ZC3H3: variants seen among roughly 807,000 people sequenced by gnomAD.
The protein encoded by ZC3H3 is zinc finger CCCH domain-containing protein 3.
ZC3H3 carries 36 observed loss-of-function variants against 77.3 expected under a neutral mutation model. The ratio of observed to expected loss-of-function variants is 0.47; its 90% confidence interval spans 0.36 to 0.61. The LOEUF (loss-of-function observed/expected upper bound fraction) is 0.61, where lower values mean the gene tolerates loss of function less well. Among genes scored for constraint, ZC3H3 ranks in the 20% least tolerant of loss-of-function variants. ZC3H3 has a pLI of 0.00. For synonymous variants in ZC3H3, 626 were observed against 555.2 expected, an observed-to-expected ratio of 1.13 and a Z score of -1.79; for missense variants, 1,331 against 1,312.2, an observed-to-expected ratio of 1.01 and a Z score of -0.22.
At chr8:143,526,595 G>A (rs1822420429) in intron 3 of ZC3H3, among the ~76,000 whole-genome samples, 1 of 152,184 alleles carries the variant, frequency 6.6e-6, no homozygotes, top group Admixed American at 6.5e-5. Flanking sequence ...CCACCTGTGG[G>A]ACCACAGCAG....
At chr8:143,508,229 C>A (rs1465764169) in intron 3 of ZC3H3, among the ~76,000 whole-genome samples, 1 of 152,232 alleles carries the variant, frequency 6.6e-6, no homozygotes, top group African/African-American at 2.4e-5. Flanking sequence ...GCCTTGGAGT[C>A]CCCTAGACAG....
intron 3 of ZC3H3, among the ~76,000 whole-genome samples, chr8:143,532,277 C>T (rs2130501029): frequency 6.6e-6 from 1 of 152,380 alleles, no homozygotes; most frequent in African/African-American, 2.4e-5. Context: ...CAAGCATGCC[C>T]TCTGCTGGCC....
chr8:143,528,424 G>T (rs1177305820), intron 3 of ZC3H3, among the ~76,000 whole-genome samples: 2 of 152,234 alleles, frequency 1.3e-5, no homozygotes, highest in Non-Finnish European at 2.9e-5. Flanking sequence ...AGCAGGTCAG[G>T]GCTCCACCCA....
At chr8:143,440,912 GCA>G in intron 10 of ZC3H3, 22 bp downstream of exon 10, 1 of 1,406,214 alleles carries the variant, frequency 7.1e-7, no homozygotes, top group African/African-American at 1.5e-5. Context: ...AGGCTCACAT[GCA>G]CAGTGCCCAC....
intron 8 of ZC3H3, 82 bp downstream of exon 8, chr8:143,468,127 T>G (rs1820462431): frequency 6.6e-7 from 1 of 1,504,812 alleles, no homozygotes; most frequent in Admixed American, 1.9e-5. Context: ...GAGAAAGCTG[T>G]GGGCACCATC....
Position 143,505,153 on chromosome 8 carries a change from G to A in ZC3H3, c.1715+2593C>T, listed in dbSNP as rs1353921971. Among the ~76,000 whole-genome samples the A allele has an allele frequency of 5.3e-5, 8 of 152,354 alleles. No individual in the cohort carries two copies. In the Middle Eastern group the frequency reaches 0.02, roughly 389 times the overall value. On this transcript the variant is annotated intron_variant, in intron 4 of 11. Transcript: ENST00000262577. ...CAGGACTGCTGGGGCTTGCCCGCCA[G>A]CCCCTCCAGGGATGGGAGAGGGAGC...
At chr8:143,537,071 G>A (rs1271353780) in intron 2 of ZC3H3, among the ~76,000 whole-genome samples, 1 of 152,258 alleles carries the variant, frequency 6.6e-6, no homozygotes, top group African/African-American at 2.4e-5. Context: ...GGGCACCACT[G>A]TGTCTGATGA....
chr8:143,536,371 T>C lies in ZC3H3; in HGVS notation c.1447A>G (p.Arg483Gly). ...TTCAGGACAGGGCTGCTCTTCCCCCTGAGGGCCTGTCTCCGCCGGAGGCTG... is the reference window on the plus strand; with the variant it reads ...TTCAGGACAGGGCTGCTCTTCCCCCCGAGGGCCTGTCTCCGCCGGAGGCTG... ...HLSLRRRQAL[R>G]GKSSPVLKKT... The change falls in exon 3 of 12, where the codon AGG (arginine) becomes GGG (glycine). Residue 483 changes from arginine to glycine, a missense_variant. Arg to Gly is a moderately radical substitution (Grantham distance 125). This residue lies in a region of ZC3H3 where 978 missense variants were observed against 915.5 expected (regional missense o/e 1.07). Coordinates refer to ENST00000262577, the MANE Select transcript of ZC3H3 (RefSeq NM_015117.3). 3 of 1,595,672 alleles carry C rather than the reference T, an allele frequency of 1.9e-6. No homozygotes were observed. The highest frequency in any genetic ancestry group is 2.6e-6 in the Non-Finnish European group (3 of 1,170,852).
intron 3 of ZC3H3, among the ~76,000 whole-genome samples, chr8:143,527,494 G>A (rs545393280): frequency 3.9e-5 from 6 of 152,278 alleles, no homozygotes; most frequent in African/African-American, 9.6e-5. Flanking sequence ...GCGATCCCAC[G>A]CCAGTTCTGT....
intron 4 of ZC3H3, among the ~76,000 whole-genome samples, chr8:143,486,694 A>C (rs1586914551): frequency 6.6e-6 from 1 of 152,142 alleles, no homozygotes; most frequent in South Asian, 2.1e-4. Context: ...CACACAAAAC[A>C]GCACCTGCTC....
chr8:143,484,961 G>A (rs1170157525), intron 4 of ZC3H3: 8 of 431,950 alleles, frequency 1.9e-5, no homozygotes, highest in Admixed American at 1.3e-4. Flanking sequence ...CAAAAACCAC[G>A]GGAAAACCAC....
intron 4 of ZC3H3, among the ~76,000 whole-genome samples, chr8:143,482,620 T>C (rs529411116): frequency 6.6e-6 from 1 of 152,078 alleles, no homozygotes; most frequent in South Asian, 2.1e-4. Flanking sequence ...GCGCTGGGAA[T>C]GCGGGCTGGG....
At chr8:143,461,849 C>T (rs1397468755) in intron 9 of ZC3H3, among the ~76,000 whole-genome samples, 1 of 151,680 alleles carries the variant, frequency 6.6e-6, no homozygotes, top group African/African-American at 2.4e-5. Context: ...TTCTGGGGGG[C>T]GATGAAAACA....
intron 4 of ZC3H3, among the ~76,000 whole-genome samples, chr8:143,505,109 C>T (rs1480916791): frequency 6.6e-6 from 1 of 152,236 alleles, no homozygotes; most frequent in African/African-American, 2.4e-5. Context: ...CCCCTGCCAA[C>T]TCTGACCACC....
chr8:143,469,172 T>G (rs1820494797), intron 5 of ZC3H3, among the ~76,000 whole-genome samples: 1 of 152,230 alleles, frequency 6.6e-6, no homozygotes. Flanking sequence ...CCCAGGAAGC[T>G]GCCCTGTAAA....
Position 143,477,520 on chromosome 8 carries a change from C to T in ZC3H3, c.1716-1935G>A, listed in dbSNP as rs182628945. Among the ~76,000 whole-genome samples, 89 of 152,330 alleles carry T rather than the reference C, an allele frequency of 5.8e-4. No homozygotes were observed. The South Asian group carries it at 7.0e-3, about 12-fold the overall frequency. Reference sequence around the variant, plus strand: ...AGACCCTGGGGTCCCAGTGCAGCCCCGGCCTCCAGGTGCCTGCAGGCCCAG... The same window carrying T: ...AGACCCTGGGGTCCCAGTGCAGCCCTGGCCTCCAGGTGCCTGCAGGCCCAG... On this transcript the variant is annotated intron_variant, in intron 4 of 11. Coordinates refer to ENST00000262577, the MANE Select transcript of ZC3H3 (RefSeq NM_015117.3).
chr8:143,498,006 A>C (rs1269541195), intron 4 of ZC3H3, among the ~76,000 whole-genome samples: 1 of 152,210 alleles, frequency 6.6e-6, no homozygotes, highest in African/African-American at 2.4e-5. Flanking sequence ...CATAGCTTCC[A>C]TGCAGGCAGG....
chr8:143,495,097 T>G (rs1386728749), intron 4 of ZC3H3, among the ~76,000 whole-genome samples: 1 of 152,132 alleles, frequency 6.6e-6, no homozygotes, highest in Non-Finnish European at 1.5e-5. Flanking sequence ...GCGACAGTCA[T>G]GGAAACACAG....
chr8:143,497,236 TCTC>T (rs980162776), intron 4 of ZC3H3, among the ~76,000 whole-genome samples: 1 of 151,914 alleles, frequency 6.6e-6, no homozygotes, highest in African/African-American at 2.4e-5. Context: ...ACACAACTAT[TCTC>T]CTCCCTCCCA....
Sources: allele counts gnomAD v4.1 joint callset (sites outside exome capture counted in the v4.1 genomes callset), GRCh38; gene constraint gnomAD v4.1.1; regional missense constraint gnomAD v4.1.1; transcripts MANE v1.5; gene names NCBI Gene and HGNC (gene_info 2026-07-23, HGNC 2026-07-21).